Variants in HEMGN observed in about 807,000 individuals in gnomAD.
HEMGN encodes the protein hemogen.
In HEMGN, 32 loss-of-function variants were observed where a neutral mutation model predicts 45.7. The ratio of observed to expected loss-of-function variants is 0.70; its 90% CI spans 0.53 to 0.94. The LOEUF is 0.94. Ranked by LOEUF, HEMGN falls within the 40% of genes least tolerant of loss-of-function variation. HEMGN has a pLI of 0.00. For synonymous variants in HEMGN, 183 were observed against 178.6 expected, an observed-to-expected ratio of 1.02 and a Z score of -0.20; for missense variants, 530 against 564.2, an observed-to-expected ratio of 0.94 and a Z score of 0.61.
upstream of HEMGN, among the ~76,000 whole-genome samples, chr9:97,942,288 T>G (rs943256843): frequency 6.7e-5 from 10 of 149,100 alleles, no homozygotes; most frequent in African/African-American, 2.2e-4. Context: ...TTTTTTTTTT[T>G]TTTTTTGTTT....
upstream of HEMGN, among the ~76,000 whole-genome samples, chr9:97,938,588 C>T (rs1827106379): frequency 6.6e-6 from 1 of 152,206 alleles, no homozygotes; most frequent in African/African-American, 2.4e-5. Flanking sequence ...CTATGACTCT[C>T]TGCATTTGCA....
rs762091173 is a variant in HEMGN, at chr9:97,931,092, CA to C, written c.302del (p.Leu101ArgfsTer4). On this transcript the variant is annotated frameshift_variant, in exon 3 of 4. Transcript: ENST00000616898. LOFTEE classifies it high-confidence loss of function. ...QIEKEIVEKA[L>X]APIEKKTEPP... ...GCTCAGTTTTTTTCTCTATAGGTGC[CA>C]GTGCTTTCTCCACTATTTCCTTTTC... 1 of 1,614,082 alleles carries C rather than the reference CA, an allele frequency of 6.2e-7. No homozygotes were observed. Among genetic ancestry groups the C allele is most frequent in the South Asian group, 1.1e-5 (1 of 91,086 alleles).
chr9:97,927,455 C>T lies in HEMGN; in HGVS notation c.1384G>A (p.Glu462Lys), dbSNP rs756674117. ...TTCAGAATTGCTGGTATTCCTGGCT[C>T]TTCTTTGGGTTTTTCTTTCATTTCT... ...PQEMKEKPKE[E>K]PGIPAILNES... The change falls in exon 4 of 4, where the codon GAG (glutamate) becomes AAG (lysine). Residue 462 changes from glutamate to lysine, a missense_variant. Transcript: ENST00000616898. 6.2e-7 allele frequency: 1 copy of T among 1,607,504 alleles called. No homozygotes were observed. The highest frequency in any genetic ancestry group is 1.1e-5 in the South Asian group (1 of 90,344).
In HEMGN at chr9:97,936,895, C is replaced by T. The variant is rs114271077; in HGVS notation, c.80-631G>A. Among the ~76,000 whole-genome samples the T allele has an allele frequency of 6.4e-3, 974 of 152,008 alleles. 7 individuals are homozygous for T. Among genetic ancestry groups the T allele is most frequent in the African/African-American group, 0.022 (904 of 41,476 alleles). ...TATAGCTTTTCTTTGGTATTTTTTC[C>T]TTAGAACGGTGTTTTTTCAAGTTCT... On this transcript the variant is annotated intron_variant, in intron 1 of 3. Coordinates refer to ENST00000616898, the MANE Select transcript of HEMGN (RefSeq NM_197978.3).
intron 2 of HEMGN, among the ~76,000 whole-genome samples, chr9:97,933,693 G>T (rs1459325645): frequency 2.6e-5 from 4 of 152,170 alleles, no homozygotes. Flanking sequence ...GCCAGGCTAC[G>T]AATCTAGTCA....
rs1366818391 is a variant in HEMGN at position 97,930,865 on chromosome 9, T to C, written c.530A>G (p.Tyr177Cys). Residue 177 changes from tyrosine (Y) to cysteine (C), a missense_variant, in exon 3 of 4, where the codon TAC becomes TGC. By Grantham distance (194) the Tyr-to-Cys change is radical. Transcript: ENST00000616898. ...GTCTTGAAGTACAGATATTTCTTGG[T>C]ACATTTTAGGAGAGAGGTCTTCAGG... ...SEPEDLSPKM[Y>C]QEISVLQDNS... 7 of 1,614,170 alleles carry C rather than the reference T, an allele frequency of 4.3e-6. No homozygotes were observed. The East Asian group carries it at 6.7e-5, about 15-fold the overall frequency.
rs148619482 is a variant in HEMGN at position 97,935,266 on chromosome 9, T to C, written c.173+905A>G. Among the ~76,000 whole-genome samples, 71 of 152,306 alleles carry C rather than the reference T, an allele frequency of 4.7e-4. No individual in the cohort carries two copies. The East Asian group carries it at 9.8e-3, about 21-fold the overall frequency. On this transcript the variant is annotated intron_variant, in intron 2 of 3. Transcript: ENST00000616898. ...CTCAGTCCACAGCGGGGTTTGGGGA[T>C]TGGAAAATGCCCTTTCTTAGGAAGA...
At chr9:97,934,169 A>C (rs1334964447) in intron 2 of HEMGN, among the ~76,000 whole-genome samples, 4 of 152,060 alleles carry the variant, frequency 2.6e-5, no homozygotes, top group Admixed American at 6.6e-5. Flanking sequence ...CATCATGGCG[A>C]AACCCCGTCT....
intron 1 of HEMGN, among the ~76,000 whole-genome samples, chr9:97,944,106 G>A (rs1031377616): frequency 6.6e-6 from 1 of 152,126 alleles, no homozygotes; most frequent in African/African-American, 2.4e-5. Flanking sequence ...CCCAAAGACA[G>A]TTGATCCAAC....
In HEMGN at chr9:97,928,239, A is replaced by G. The variant is rs369358338; in HGVS notation, c.1361-761T>C. Among the ~76,000 whole-genome samples, 235 of 151,216 alleles carry G rather than the reference A, an allele frequency of 1.6e-3. 1 individual carries two copies. Among genetic ancestry groups the G allele is most frequent in the East Asian group, 5.1e-3 (26 of 5,118 alleles). ...GACGGGGTTTCATCGTGTTAGCCAG[A>G]ATGGTCTCGATCTCCTGACCTCGTG... On this transcript the variant is annotated intron_variant, in intron 3 of 3. Coordinates refer to ENST00000616898, the MANE Select transcript of HEMGN (RefSeq NM_197978.3).
intron 3 of HEMGN, 99 bp downstream of exon 3, chr9:97,929,936 C>T: frequency 2.5e-6 from 2 of 808,458 alleles, no homozygotes; most frequent in Non-Finnish European, 4.0e-6. Context: ...TTCACAGTAT[C>T]CATTGAAATA....
intron 1 of HEMGN, 92 bp from the exon 2 acceptor site, chr9:97,936,356 G>C: frequency 1.2e-6 from 1 of 825,732 alleles, no homozygotes; most frequent in Non-Finnish European, 2.0e-6. Context: ...CTCTGTTCTA[G>C]GTTTTTCTCC....
At position 97,930,141 on chromosome 9, in the gene HEMGN, C is replaced by T; in HGVS notation, c.1254G>A (p.Val418=). The T allele has an allele frequency of 3.1e-6, 5 of 1,614,174 alleles. No homozygotes were observed. Among genetic ancestry groups the T allele is most frequent in the Non-Finnish European group, 4.2e-6 (5 of 1,180,022 alleles). The change falls in exon 3 of 4, where the codon GTG becomes GTA. Residue 418 remains valine, a synonymous_variant. Coordinates refer to ENST00000616898, the MANE Select transcript of HEMGN (RefSeq NM_197978.3). ...LSTETYKNKD[V]PKECFPEPHQ... ...GTGGTTCTGGAAAGCATTCTTTAGGCACATCCTTATTTTTATATGTCTCAG... is the reference window on the plus strand; with the variant it reads ...GTGGTTCTGGAAAGCATTCTTTAGGTACATCCTTATTTTTATATGTCTCAG...
chr9:97,937,282 C>T (rs903373043), intron 1 of HEMGN, among the ~76,000 whole-genome samples: 1 of 151,970 alleles, frequency 6.6e-6, no homozygotes, highest in Non-Finnish European at 1.5e-5. Context: ...CATAGGTATA[C>T]ATGTGCCATG....
intron 2 of HEMGN, among the ~76,000 whole-genome samples, chr9:97,935,818 G>C (rs1207156917): frequency 6.6e-6 from 1 of 152,154 alleles, no homozygotes; most frequent in Non-Finnish European, 1.5e-5. Context: ...AATCTTGGAG[G>C]CTTCTTCAAT....
At chr9:97,935,023 C>CT (rs1270576322) in intron 2 of HEMGN, among the ~76,000 whole-genome samples, 1 of 152,184 alleles carries the variant, frequency 6.6e-6, no homozygotes, top group Non-Finnish European at 1.5e-5. Flanking sequence ...ACCCTGGATG[C>CT]TGGCTGAAAA....
chr9:97,932,665 A>T (rs1480504235), intron 2 of HEMGN, among the ~76,000 whole-genome samples: 1 of 152,016 alleles, frequency 6.6e-6, no homozygotes, highest in Non-Finnish European at 1.5e-5. Flanking sequence ...TTAGCCAGGC[A>T]TGGTGGTGCG....
upstream of HEMGN, among the ~76,000 whole-genome samples, chr9:97,938,875 T>C (rs1318465371): frequency 6.6e-6 from 1 of 152,232 alleles, no homozygotes; most frequent in Non-Finnish European, 1.5e-5. Context: ...TGACTCAAGA[T>C]AACTAGTGAA....
At chr9:97,944,537 T>C (rs751363925) in intron 1 of HEMGN, among the ~76,000 whole-genome samples, 1 of 152,212 alleles carries the variant, frequency 6.6e-6, no homozygotes, top group Non-Finnish European at 1.5e-5. Context: ...GGCTATCTGC[T>C]TTCATCTGCC....
Sources: allele counts gnomAD v4.1 joint callset (sites outside exome capture counted in the v4.1 genomes callset), GRCh38; gene constraint gnomAD v4.1.1; transcripts MANE v1.5; gene names NCBI Gene and HGNC (gene_info 2026-07-23, HGNC 2026-07-21).